PA2G4: variants seen among roughly 807,000 people sequenced by gnomAD.
PA2G4 encodes the protein proliferation-associated 2G4, also known as proliferation-associated protein 2G4.
PA2G4 carries 8 observed loss-of-function variants against 53.3 expected under a neutral mutation model. The ratio of observed to expected loss-of-function variants is 0.15; its 90% CI spans 0.09 to 0.27. The LOEUF (loss-of-function observed/expected upper bound fraction) is 0.27. Among genes scored for constraint, PA2G4 ranks in the 10% least tolerant of loss-of-function variants. The pLI, the probability that PA2G4 is intolerant of heterozygous loss-of-function variation, is 1.00. For synonymous variants in PA2G4, 143 were observed against 169.8 expected, an observed-to-expected ratio of 0.84 and a Z score of 1.23; for missense variants, 208 against 486.8, an observed-to-expected ratio of 0.43 and a Z score of 5.39.
At position 56,113,663 on chromosome 12, in the gene PA2G4, T is replaced by G; in HGVS notation, c.*775T>G. The G allele has an allele frequency of 1.7e-6, 1 of 596,096 alleles. No homozygotes were observed. The highest frequency in any genetic ancestry group is 3.0e-6 in the Non-Finnish European group (1 of 338,558). 36.9% of individuals were successfully genotyped at this position (596,096 alleles called of 1,614,324 possible). On this transcript the variant is annotated 3_prime_UTR_variant, in exon 13 of 13. Coordinates refer to ENST00000303305, the MANE Select transcript of PA2G4 (RefSeq NM_006191.3). Reference sequence around the variant, plus strand: ...AACTGGTTTTGTTCCCTGTTTGAAATATTGTGATCTCCCTCCCATGAAAGA... The same window carrying G: ...AACTGGTTTTGTTCCCTGTTTGAAAGATTGTGATCTCCCTCCCATGAAAGA...
Position 56,107,166 on chromosome 12 carries a change from T to G in PA2G4, c.324-21T>G, listed in dbSNP as rs1304394570. On this transcript the variant is annotated intron_variant, in intron 3 of 12. Transcript: ENST00000303305. ...TACAAAATGCCAGTTCCTAATGCAG[T>G]ACTCTGATCTTGCCTTTCAGTGACC... 3 of 1,608,136 alleles carry G rather than the reference T, an allele frequency of 1.9e-6. No individual in the cohort carries two copies. The African/African-American group carries it at 4.0e-5, about 21-fold the overall frequency.
Position 56,112,896 on chromosome 12 carries a change from C to T in PA2G4, c.*8C>T. On this transcript the variant is annotated 3_prime_UTR_variant, in exon 13 of 13. Coordinates refer to ENST00000303305, the MANE Select transcript of PA2G4 (RefSeq NM_006191.3). ...AATGAAGCTGGGGACTGAGGTGGGT[C>T]CCATCTCCCCAGCTTGCTGCTCCTG... The T allele has an allele frequency of 6.5e-7, 1 of 1,538,374 alleles. No homozygotes were observed. The highest frequency in any genetic ancestry group is 1.2e-5 in the South Asian group (1 of 81,954).
chr12:56,107,278 T>C, intron 4 of PA2G4, 22 bp downstream of exon 4: 1 of 1,589,666 alleles, frequency 6.3e-7, no homozygotes, highest in Non-Finnish European at 8.6e-7. Flanking sequence ...GCTTTTGATC[T>C]CTGTTTAGCC....
chr12:56,110,721 A>G, intron 9 of PA2G4, 29 bp downstream of exon 9: 1 of 1,613,366 alleles, frequency 6.2e-7, no homozygotes, highest in Non-Finnish European at 8.5e-7. Context: ...ACTTGGAACC[A>G]GTCTGACTCA....
Position 56,104,750 on chromosome 12 carries a change from G to T in PA2G4, c.13G>T (p.Asp5Tyr). The T allele has an allele frequency of 6.2e-7, 1 of 1,613,936 alleles. No individual in the cohort carries two copies. Among genetic ancestry groups the T allele is most frequent in the Non-Finnish European group, 8.5e-7 (1 of 1,180,008 alleles). The change falls in exon 1 of 13, where the codon GAC becomes TAC. Residue 5 changes from aspartate (D) to tyrosine (Y), a missense_variant. Around this residue, in one of 3 missense-constraint regions of PA2G4, gnomAD observed 15 missense variants for 17.6 expected, o/e 0.85. Transcript: ENST00000303305. ...TGGTAGTAGGAAGATGTCGGGCGAG[G>T]ACGAGCAACAGGAGCAAACTATCGC... The part of the protein sequence containing the change: MSGE[D>Y]EQQEQTIAED...
rs373836843 is a variant in PA2G4 at position 56,107,108 on chromosome 12, C to T, written c.323+13C>T. The T allele has an allele frequency of 3.1e-6, 5 of 1,604,936 alleles. No individual in the cohort carries two copies. The African/African-American group carries it at 5.4e-5, about 17-fold the overall frequency. ...ACTTGGTAAAAATGTAAGGTTAAAC[C>T]GTTTTAAAGCATTTTTCTTTTTTTA... On this transcript the variant is annotated intron_variant, in intron 3 of 12. Transcript: ENST00000303305.
chr12:56,107,144 A>T, intron 3 of PA2G4, 43 bp from the exon 4 acceptor site: 1 of 1,603,342 alleles, frequency 6.2e-7, no homozygotes, highest in African/African-American at 1.3e-5. Context: ...AAGCATTTAC[A>T]AAATGCCAGT....
chr12:56,109,267 A>G lies in PA2G4; in HGVS notation c.524A>G (p.His175Arg). The G allele has an allele frequency of 1.2e-6, 2 of 1,611,858 alleles. No homozygotes were observed. Among genetic ancestry groups the G allele is most frequent in the East Asian group, 2.2e-5 (1 of 44,836 alleles). Residue 175 changes from histidine (H) to arginine (R), a missense_variant, in exon 6 of 13, where the codon CAC becomes CGC. His to Arg is a conservative substitution (Grantham distance 29, BLOSUM62 0). Coordinates refer to ENST00000303305, the MANE Select transcript of PA2G4 (RefSeq NM_006191.3). ...ACAGAAGCCTGGAACAAAGTTGCCC[A>G]CTCATTTAACTGCACGCCAATAGAA... ...QVTEAWNKVAHSFNCTPIEGM... is the reference protein window; with the variant it reads ...QVTEAWNKVARSFNCTPIEGM...
rs1477500287 is a variant in PA2G4, at chr12:56,113,768, T to C, written c.*880T>C. The C allele has an allele frequency of 5.8e-6, 4 of 693,820 alleles. 1 individual carries two copies. The highest frequency in any genetic ancestry group is 2.6e-6 in the Non-Finnish European group (1 of 381,408). 43.0% of individuals were successfully genotyped at this position (693,820 alleles called of 1,614,324 possible). ...AAGCTATGGACTTGGATTGGATTGC[T>C]GGGGGTTTGTAGAGAAAGGTGACAA... On this transcript the variant is annotated 3_prime_UTR_variant, in exon 13 of 13. Coordinates refer to ENST00000303305, the MANE Select transcript of PA2G4 (RefSeq NM_006191.3).
chr12:56,107,337 A>G, intron 4 of PA2G4, 81 bp downstream of exon 4: 2 of 1,172,812 alleles, frequency 1.7e-6, no homozygotes, highest in Non-Finnish European at 2.6e-6. Context: ...CCCACCCCCA[A>G]TCACCACGTA....
chr12:56,110,029 T>TC (rs1869386143), intron 7 of PA2G4, 94 bp downstream of exon 7: 2 of 897,346 alleles, frequency 2.2e-6, no homozygotes, highest in East Asian at 4.9e-5. Flanking sequence ...CGCCCTCTAC[T>TC]CCATGTTTTC....
chr12:56,108,156 T>TG (rs1209244512), intron 5 of PA2G4, among the ~76,000 whole-genome samples: 3 of 152,140 alleles, frequency 2.0e-5, no homozygotes, highest in Non-Finnish European at 4.4e-5. Context: ...CCCAGCACTT[T>TG]GGGAGGCCAA....
At position 56,110,493 on chromosome 12, in the gene PA2G4, G is replaced by C. The variant is rs1175036502; in HGVS notation, c.708+16G>C. ...AGAGGGCAAGGTGAGGAGAGTACCA[G>C]AGTTGGCAAAGAGGGGTGACTGAGA... is the stretch of plus-strand genomic sequence containing the variant. On this transcript the variant is annotated intron_variant, in intron 8 of 12. Coordinates refer to ENST00000303305, the MANE Select transcript of PA2G4 (RefSeq NM_006191.3). The C allele has an allele frequency of 6.2e-7, 1 of 1,613,626 alleles. No individual in the cohort carries two copies. Among genetic ancestry groups the C allele is most frequent in the Non-Finnish European group, 8.5e-7 (1 of 1,179,624 alleles).
chr12:56,107,399 G>A (rs966562411), intron 4 of PA2G4, 122 bp from the exon 5 acceptor site: 2 of 1,004,684 alleles, frequency 2.0e-6, no homozygotes, highest in Non-Finnish European at 3.2e-6. Flanking sequence ...TGTTGTTGTT[G>A]TTGTTTTTAC....
Position 56,107,178 on chromosome 12 carries a change from GC to G in PA2G4, c.324-7del. On this transcript the variant is annotated splice_region_variant and splice_polypyrimidine_tract_variant and intron_variant, in intron 3 of 12. Transcript: ENST00000303305. ...GTTCCTAATGCAGTACTCTGATCTTGCCTTTCAGTGACCTTGGGGTCCATGT... is the reference window on the plus strand; with the variant it reads ...GTTCCTAATGCAGTACTCTGATCTTGCTTTCAGTGACCTTGGGGTCCATGT... 3 of 1,612,728 alleles carry G rather than the reference GC, an allele frequency of 1.9e-6. No individual in the cohort carries two copies. The highest frequency in any genetic ancestry group is 2.5e-6 in the Non-Finnish European group (3 of 1,178,774).
chr12:56,109,306 A>G lies in PA2G4; in HGVS notation c.550+13A>G. 6.2e-7 allele frequency: 1 copy of G among 1,601,496 alleles called. No individual in the cohort carries two copies. The highest frequency in any genetic ancestry group is 2.2e-5 in the East Asian group (1 of 44,510). The stretch of plus-strand genomic sequence containing the variant: ...ACGCCAATAGAAGGTGAGAACAGAT[A>G]ACAGGGTTGAGGGTCTAAGAATGAG... On this transcript the variant is annotated intron_variant, in intron 6 of 12. Transcript: ENST00000303305.
In PA2G4 at chr12:56,107,191, C is replaced by A. The variant is rs773685227; in HGVS notation, c.328C>A (p.Leu110Ile). The A allele has an allele frequency of 6.2e-7, 1 of 1,613,622 alleles. No homozygotes were observed. The highest frequency in any genetic ancestry group is 1.1e-5 in the South Asian group (1 of 91,066). ...TACTCTGATCTTGCCTTTCAGTGAC[C>A]TTGGGGTCCATGTGGATGGCTTCAT... ...LKEGDLVKID[L>I]GVHVDGFIAN... is the part of the protein sequence containing the mutation. Residue 110 changes from leucine to isoleucine, a missense_variant, in exon 4 of 13, where the codon CTT (leucine) becomes ATT (isoleucine). Leu to Ile is a conservative substitution (Grantham distance 5, BLOSUM62 2). Coordinates refer to ENST00000303305, the MANE Select transcript of PA2G4 (RefSeq NM_006191.3).
chr12:56,104,821 C>T lies in PA2G4; in HGVS notation c.84C>T (p.Ala28=). Residue 28 remains alanine, a synonymous_variant, in exon 1 of 13, where the codon GCC becomes GCT. Coordinates refer to ENST00000303305, the MANE Select transcript of PA2G4 (RefSeq NM_006191.3). ...AGTATAAGATGGGGGGCGACATCGC[C>T]AACAGTGAGTGCGGCCTCGGGGGTC... ...VTKYKMGGDI[A]NRVLRSLVEA... 2 of 1,612,946 alleles carry T rather than the reference C, an allele frequency of 1.2e-6. No homozygotes were observed. Among genetic ancestry groups the T allele is most frequent in the Non-Finnish European group, 8.5e-7 (1 of 1,179,158 alleles).
chr12:56,104,821 C>G lies in PA2G4; in HGVS notation c.84C>G (p.Ala28=), dbSNP rs1565863554. 6.2e-7 allele frequency: 1 copy of G among 1,612,946 alleles called. No homozygotes were observed. The highest frequency in any genetic ancestry group is 1.7e-5 in the Admixed American group (1 of 59,994). Residue 28 remains alanine, a synonymous_variant, in exon 1 of 13, where the codon GCC becomes GCG. Coordinates refer to ENST00000303305, the MANE Select transcript of PA2G4 (RefSeq NM_006191.3). Reference sequence around the variant, plus strand: ...AGTATAAGATGGGGGGCGACATCGCCAACAGTGAGTGCGGCCTCGGGGGTC... The same window carrying G: ...AGTATAAGATGGGGGGCGACATCGCGAACAGTGAGTGCGGCCTCGGGGGTC... The part of the protein sequence containing the change: ...VTKYKMGGDI[A]NRVLRSLVEA...
Sources: allele counts gnomAD v4.1 joint callset (sites outside exome capture counted in the v4.1 genomes callset), GRCh38; gene constraint gnomAD v4.1.1; regional missense constraint gnomAD v4.1.1; transcripts MANE v1.5; gene names NCBI Gene and HGNC (gene_info 2026-07-23, HGNC 2026-07-21).